Variants in ABCA3 observed in about 807,000 individuals in gnomAD.
ABCA3 encodes the protein ATP binding cassette subfamily A member 3.
A neutral mutation model predicts 172.8 loss-of-function variants in ABCA3; 88 were observed. The observed-to-expected ratio is 0.51, with a 90% CI of 0.43 to 0.61. The LOEUF is 0.61. ABCA3 is among the 20% of genes least tolerant of loss of function. The probability of loss-of-function intolerance (pLI) is 0.00; values close to 1 mark genes in which losing one functional copy is unlikely to be tolerated. For synonymous variants in ABCA3, 1,066 were observed against 983.8 expected, an observed-to-expected ratio of 1.08 and a Z score of -1.56; for missense variants, 2,164 against 2,301.0, an observed-to-expected ratio of 0.94 and a Z score of 1.22.
chr16:2,316,140 G>GAA (rs534232946), intron 10 of ABCA3, among the ~76,000 whole-genome samples: 7 of 57,808 alleles, frequency 1.2e-4, no homozygotes, highest in Non-Finnish European at 2.0e-4. Flanking sequence ...AACATGGTGA[G>GAA]AAAAAAAAAA....
At chr16:2,315,461 C>T (rs561557967) in intron 10 of ABCA3, among the ~76,000 whole-genome samples, 58 of 152,194 alleles carry the variant, frequency 3.8e-4, no homozygotes, top group Non-Finnish European at 1.2e-4. Flanking sequence ...AAATACTATA[C>T]AGGAGTGAGG....
At chr16:2,328,372 T>A (rs1427998371) in intron 3 of ABCA3, 81 bp downstream of exon 3, 1 of 396,356 alleles carries the variant, frequency 2.5e-6, no homozygotes, top group Non-Finnish European at 5.1e-6. Flanking sequence ...TCTATACAAA[T>A]AAAGTAAGAA....
chr16:2,281,426 C>A lies in ABCA3; in HGVS notation c.4119G>T (p.Pro1373=), dbSNP rs139975191. 1 of 1,613,722 alleles carries A rather than the reference C, an allele frequency of 6.2e-7. No homozygotes were observed. Among genetic ancestry groups the A allele is most frequent in the East Asian group, 2.2e-5 (1 of 44,890 alleles). The change falls in exon 27 of 33, where the codon CCG becomes CCT. Residue 1373 remains proline, a synonymous_variant. Coordinates refer to ENST00000301732, the MANE Select transcript of ABCA3 (RefSeq NM_001089.3). The surrounding 1 kb of genome is among the most constrained non-coding windows in gnomAD (Gnocchi z 4.7). ...DERTRILAPS[P]DSLLHTPLII... ...TCAGAGGTGTGTGGAGCAGGGAGTC[C>A]GGACTGGGGGCCAGGATGCGGGTCC...
chr16:2,300,806 C>A (rs986078259), intron 12 of ABCA3, among the ~76,000 whole-genome samples: 4 of 152,198 alleles, frequency 2.6e-5, no homozygotes, highest in African/African-American at 9.6e-5. Flanking sequence ...AGGGCAGCTG[C>A]GGGGCGGGGA....
rs2093665336 is a variant in ABCA3 at position 2,287,798 on chromosome 16, C to T, written c.3004+228G>A. ...CACCTCCAGGGCACTTCCCCTGACT[C>T]AGTGCCGTGATCTGCCACCCAGGGG... is the stretch of plus-strand genomic sequence containing the variant. On this transcript the variant is annotated intron_variant, in intron 21 of 32. Coordinates refer to ENST00000301732, the MANE Select transcript of ABCA3 (RefSeq NM_001089.3). This position sits in a 1 kb window ranked among gnomAD's most constrained non-coding sequence, Gnocchi z 4.1. Among the ~76,000 whole-genome samples, 1 of 152,242 alleles carries T rather than the reference C, an allele frequency of 6.6e-6. No individual in the cohort carries two copies. Among genetic ancestry groups the T allele is most frequent in the African/African-American group, 2.4e-5 (1 of 41,460 alleles).
chr16:2,303,524 C>T (rs1031772480), intron 12 of ABCA3, among the ~76,000 whole-genome samples: 1 of 152,232 alleles, frequency 6.6e-6, no homozygotes, highest in Admixed American at 6.5e-5. Context: ...CCCACCTTGG[C>T]CTCCCAAAGA....
At chr16:2,304,320 C>A (rs1292759872) in intron 11 of ABCA3, among the ~76,000 whole-genome samples, 170 bp from the exon 12 acceptor site, 6 of 152,040 alleles carry the variant, frequency 3.9e-5, no homozygotes, top group African/African-American at 1.5e-4. Flanking sequence ...TTCTTCAAGC[C>A]TGGAAGATAA....
At position 2,281,629 on chromosome 16, in the gene ABCA3, C is replaced by G; in HGVS notation, c.4036-120G>C. The G allele has an allele frequency of 7.8e-7, 1 of 1,287,740 alleles. No homozygotes were observed. Among genetic ancestry groups the G allele is most frequent in the Non-Finnish European group, 1.1e-6 (1 of 911,094 alleles). The allele number at this position is 1,287,740 out of a possible 1,614,324, so 79.8% of individuals were successfully genotyped here. A position where few individuals can be genotyped will look rare whatever the true frequency, so the allele number is the denominator to read the frequency against. ...TGGGACTAAGGCCTTCAAGGCTTCT[C>G]GTCCCAATCTCAGGCCCCACAGGTG... On this transcript the variant is annotated intron_variant, in intron 26 of 32. Coordinates refer to ENST00000301732, the MANE Select transcript of ABCA3 (RefSeq NM_001089.3). This position sits in a 1 kb window ranked among gnomAD's most constrained non-coding sequence, Gnocchi z 4.7.
chr16:2,324,537 AAG>A lies in ABCA3; in HGVS notation c.320-8_320-7del, dbSNP rs754791615. Reference sequence around the variant, plus strand: ...CTCGGAGGGAAAGCCGCGCACTGCAAAGAGAGAGCACGGGAGCTGTGGTTGCC... The same window carrying A: ...CTCGGAGGGAAAGCCGCGCACTGCAAAGAGAGCACGGGAGCTGTGGTTGCC... On this transcript the variant is annotated splice_region_variant and splice_polypyrimidine_tract_variant and intron_variant, in intron 5 of 32. Transcript: ENST00000301732. The A allele has an allele frequency of 9.3e-6, 15 of 1,608,742 alleles. No individual in the cohort carries two copies. Among genetic ancestry groups the A allele is most frequent in the South Asian group, 4.4e-5 (4 of 91,050 alleles).
Position 2,279,398 on chromosome 16 carries a change from T to C in ABCA3, c.4360-268A>G, listed in dbSNP as rs951637575. Reference sequence around the variant, plus strand: ...GAGCCTGGTCCAGGACAGGCAGCCATGGGGTTAGGTGGTGCAAGAATGGCC... The same window carrying C: ...GAGCCTGGTCCAGGACAGGCAGCCACGGGGTTAGGTGGTGCAAGAATGGCC... On this transcript the variant is annotated intron_variant, in intron 28 of 32. Coordinates refer to ENST00000301732, the MANE Select transcript of ABCA3 (RefSeq NM_001089.3). The surrounding 1 kb of genome is among the most constrained non-coding windows in gnomAD (Gnocchi z 4.4). Among the ~76,000 whole-genome samples, 6 of 152,102 alleles carry C rather than the reference T, an allele frequency of 3.9e-5. No homozygotes were observed. The highest frequency in any genetic ancestry group is 3.9e-4 in the Admixed American group (6 of 15,262).
Position 2,281,538 on chromosome 16 carries a change from G to C in ABCA3, c.4036-29C>G. 6.4e-7 allele frequency: 1 copy of C among 1,563,636 alleles called. No homozygotes were observed. Among genetic ancestry groups the C allele is most frequent in the Non-Finnish European group, 8.7e-7 (1 of 1,148,132 alleles). ...ATTGACCAGGACAAAGACCGCATGCGTGAACCCAGCCGCAGGGCGGCTTCC... is the reference window on the plus strand; with the variant it reads ...ATTGACCAGGACAAAGACCGCATGCCTGAACCCAGCCGCAGGGCGGCTTCC... On this transcript the variant is annotated intron_variant, in intron 26 of 32. Coordinates refer to ENST00000301732, the MANE Select transcript of ABCA3 (RefSeq NM_001089.3). The surrounding 1 kb of genome is among the most constrained non-coding windows in gnomAD (Gnocchi z 4.7).
chr16:2,312,964 G>A (rs2093708895), intron 10 of ABCA3, among the ~76,000 whole-genome samples: 1 of 151,928 alleles, frequency 6.6e-6, no homozygotes, highest in East Asian at 1.9e-4. Context: ...TGAAGTGGAA[G>A]GATCACTCGA....
rs974697047 is a variant in ABCA3, at chr16:2,278,177, T to C, written c.4719-108A>G. The C allele has an allele frequency of 3.1e-6, 5 of 1,596,552 alleles. No homozygotes were observed. Among genetic ancestry groups the C allele is most frequent in the Non-Finnish European group, 4.3e-6 (5 of 1,173,712 alleles). ...CTGTTCCTGATACCCATGCTCAGTG[T>C]GGCTCACGGGCAGACTCTGCACCAG... is the stretch of plus-strand genomic sequence containing the variant. On this transcript the variant is annotated intron_variant, in intron 30 of 32. Transcript: ENST00000301732. This position sits in a 1 kb window ranked among gnomAD's most constrained non-coding sequence, Gnocchi z 4.4.
intron 2 of ABCA3, among the ~76,000 whole-genome samples, chr16:2,329,360 T>C (rs1175497654): frequency 6.6e-6 from 1 of 152,170 alleles, no homozygotes; most frequent in African/African-American, 2.4e-5. Context: ...AAGAGGCCGG[T>C]GCCTCCATTT....
chr16:2,328,309 C>CATTTGAGGT, intron 3 of ABCA3, 144 bp downstream of exon 3: 1 of 301,138 alleles, frequency 3.3e-6, no homozygotes, highest in South Asian at 2.9e-5. Flanking sequence ...GCAGGAGGAT[C>CATTTGAGGT]CCTTAAGCCC....
At chr16:2,340,237 C>A (rs534464850) in intron 1 of ABCA3, among the ~76,000 whole-genome samples, 1 of 152,270 alleles carries the variant, frequency 6.6e-6, no homozygotes, top group Non-Finnish European at 1.5e-5. Flanking sequence ...ACACAGAGGG[C>A]CCGGGCCGTG....
rs995607388 is a variant in ABCA3, at chr16:2,289,422, C to T, written c.2700+12G>A. ...CTTCCCCCGCCACCCGCCCACCCAC[C>T]TGGGCACTCACCCCAGTGTTGAGCT... On this transcript the variant is annotated intron_variant, in intron 20 of 32. Transcript: ENST00000301732. 5.7e-6 allele frequency: 9 copies of T among 1,573,996 alleles called. No homozygotes were observed. The highest frequency in any genetic ancestry group is 7.7e-6 in the Non-Finnish European group (9 of 1,162,828).
intron 18 of ABCA3, among the ~76,000 whole-genome samples, chr16:2,293,342 A>AAGCTACC (rs923950292): frequency 6.7e-6 from 1 of 149,430 alleles, no homozygotes; most frequent in African/African-American, 2.5e-5. Context: ...ATGAGCTACC[A>AAGCTACC]AGCTACCGTG....
intron 10 of ABCA3, among the ~76,000 whole-genome samples, chr16:2,313,320 T>G (rs1381733940): frequency 6.6e-6 from 1 of 151,836 alleles, no homozygotes; most frequent in African/African-American, 2.4e-5. Flanking sequence ...TTTGGGAGGC[T>G]GAGGCTGGTG....
Sources: gnomAD v4.1 joint callset for allele counts (sites outside exome capture counted in the v4.1 genomes callset) on GRCh38, gnomAD v4.1.1 for gene constraint, Gnocchi (gnomAD v3.1) non-coding constraint, MANE v1.5 for transcripts, NCBI Gene and HGNC (gene_info 2026-07-23, HGNC 2026-07-21) for gene names.